The following RERE variants were observed in gnomAD, a reference collection of about 807,000 sequenced individuals.
RERE encodes the protein arginine-glutamic acid dipeptide repeats.
A neutral mutation model predicts 146.1 loss-of-function variants in RERE; 40 were observed. That is an observed-to-expected ratio of 0.27 (90% CI 0.21 to 0.36). The LOEUF is 0.36. Among genes scored for constraint, RERE ranks in the 10% least tolerant of loss-of-function variants. RERE has a pLI of 1.00. For missense variants in RERE, 1,933 were observed against 2,138.7 expected, an observed-to-expected ratio of 0.90 and a Z score of 1.90; for synonymous variants, 1,003 against 866.0, an observed-to-expected ratio of 1.16 and a Z score of -2.78.
At chr1:8,429,117 C>A (rs1156623062) in intron 11 of RERE, among the ~76,000 whole-genome samples, 2 of 152,198 alleles carry the variant, frequency 1.3e-5, no homozygotes, top group Non-Finnish European at 2.9e-5. Context: ...AACGTGCCAG[C>A]CACTGTCTTA....
intron 7 of RERE, among the ~76,000 whole-genome samples, chr1:8,521,064 ATAAC>A (rs928248118): frequency 2.6e-5 from 4 of 152,048 alleles, no homozygotes; most frequent in African/African-American, 9.7e-5. Context: ...CAAACAGGCA[ATAAC>A]TAACACACAC....
chr1:8,810,106 A>G (rs1641776409), intron 1 of RERE, among the ~76,000 whole-genome samples: 1 of 151,332 alleles, frequency 6.6e-6, no homozygotes, highest in South Asian at 2.1e-4. Flanking sequence ...CCCGGGTTCA[A>G]GCGATTCTTC....
At chr1:8,674,529 GTACTGGTCTTGTGTTGGCAAGGCTTAAT>G (rs1638791925) in intron 1 of RERE, among the ~76,000 whole-genome samples, 2 of 152,242 alleles carry the variant, frequency 1.3e-5, no homozygotes, top group African/African-American at 4.8e-5. Context: ...AACAACACTT[GTACTGGTCTTGTGTTGGCAAGGCTTAAT>G]CAATACCACA....
intron 1 of RERE, among the ~76,000 whole-genome samples, chr1:8,705,323 T>C (rs1450937801): frequency 6.6e-6 from 1 of 152,142 alleles, no homozygotes; most frequent in Non-Finnish European, 1.5e-5. Flanking sequence ...CCCCCCACTT[T>C]GCAGTTACAC....
intron 4 of RERE, among the ~76,000 whole-genome samples, chr1:8,596,412 G>C (rs1002801877): frequency 6.6e-6 from 1 of 152,194 alleles, no homozygotes; most frequent in Non-Finnish European, 1.5e-5. Flanking sequence ...CAGTTTCTCA[G>C]ACACAAGTCA....
At chr1:8,408,425 A>G (rs976018932) in intron 12 of RERE, among the ~76,000 whole-genome samples, 1 of 152,224 alleles carries the variant, frequency 6.6e-6, no homozygotes, top group African/African-American at 2.4e-5. Context: ...CCAACCCAGG[A>G]TGCCCTGCTG....
In RERE at chr1:8,364,022, G is replaced by C. The variant is rs764871901; in HGVS notation, c.1740+34C>G. On this transcript the variant is annotated intron_variant, in intron 15 of 22. Coordinates refer to ENST00000400908, the MANE Select transcript of RERE (RefSeq NM_001042681.2). The surrounding 1 kb of genome is among the most constrained non-coding windows in gnomAD (Gnocchi z 5.1). ...CCACACATCCCAGGAAACTGAAGAA[G>C]TTGCCAGGAGCCCCATGGCCCCAGG... The C allele has an allele frequency of 1.3e-6, 2 of 1,598,476 alleles. No homozygotes were observed. Among genetic ancestry groups the C allele is most frequent in the African/African-American group, 2.7e-5 (2 of 74,548 alleles).
In RERE at chr1:8,635,541, G is replaced by T. The variant is rs896972429; in HGVS notation, c.326-11161C>A. On this transcript the variant is annotated intron_variant, in intron 2 of 22. Coordinates refer to ENST00000400908, the MANE Select transcript of RERE (RefSeq NM_001042681.2). ...TCAACAAATGAGTGCAGCTGCTCTA[G>T]GCCAATATAACACTTAATGAGAGTG... is the stretch of plus-strand genomic sequence containing the variant. Among the ~76,000 whole-genome samples, 18 of 152,150 alleles carry T rather than the reference G, an allele frequency of 1.2e-4. No homozygotes were observed. In the East Asian group the frequency reaches 3.5e-3, roughly 29 times the overall value.
chr1:8,786,782 T>C, intron 1 of RERE: 1 of 796,540 alleles, frequency 1.3e-6, no homozygotes, highest in East Asian at 2.4e-5. Flanking sequence ...CACTATGCTT[T>C]TTCATAAATA....
chr1:8,552,813 C>T (rs565779695), intron 6 of RERE, among the ~76,000 whole-genome samples: 9 of 152,340 alleles, frequency 5.9e-5, no homozygotes, highest in African/African-American at 1.9e-4. Flanking sequence ...GTGACAGCAA[C>T]GCGACCCTGC....
At position 8,356,823 on chromosome 1, in the gene RERE, C is replaced by A. The variant is rs1641314334; in HGVS notation, c.4340-577G>T. Among the ~76,000 whole-genome samples, 1 of 152,198 alleles carries A rather than the reference C, an allele frequency of 6.6e-6. No individual in the cohort carries two copies. Among genetic ancestry groups the A allele is most frequent in the Non-Finnish European group, 1.5e-5 (1 of 68,020 alleles). ...ACTGCACCACCTCCTGCCCTCACCT[C>A]CTATCTCCCAGCTCCAGCCAACACA... is the stretch of plus-strand genomic sequence containing the variant. On this transcript the variant is annotated intron_variant, in intron 20 of 22. Transcript: ENST00000400908. The surrounding 1 kb of genome is among the most constrained non-coding windows in gnomAD (Gnocchi z 5.2).
chr1:8,451,806 ACT>A (rs1271311073), intron 11 of RERE, among the ~76,000 whole-genome samples: 2 of 151,940 alleles, frequency 1.3e-5, no homozygotes, highest in African/African-American at 4.8e-5. Context: ...TCTCCCGATG[ACT>A]CTAACGCACA....
At chr1:8,690,843 TTTTGTACC>T (rs1473337755) in intron 1 of RERE, among the ~76,000 whole-genome samples, 1 of 152,204 alleles carries the variant, frequency 6.6e-6, no homozygotes, top group African/African-American at 2.4e-5. Flanking sequence ...TTCATGTTCA[TTTTGTACC>T]TTTTGTTAGA....
intron 2 of RERE, among the ~76,000 whole-genome samples, chr1:8,636,652 T>C (rs1647105310): frequency 6.6e-6 from 1 of 152,094 alleles, no homozygotes; most frequent in Non-Finnish European, 1.5e-5. Flanking sequence ...CTTCCCAGCC[T>C]CTCTAACAGC....
chr1:8,430,199 G>T (rs1053156861), intron 11 of RERE, among the ~76,000 whole-genome samples: 1 of 152,056 alleles, frequency 6.6e-6, no homozygotes, highest in Non-Finnish European at 1.5e-5. Context: ...TGTATCATTT[G>T]GTTTTGGTTT....
intron 1 of RERE, among the ~76,000 whole-genome samples, chr1:8,759,982 C>A (rs1235953750): frequency 6.6e-6 from 1 of 152,002 alleles, no homozygotes; most frequent in African/African-American, 2.4e-5. Flanking sequence ...AAAATAAATT[C>A]TCCCCAAGTA....
intron 1 of RERE, among the ~76,000 whole-genome samples, chr1:8,695,828 G>A (rs1639318295): frequency 6.6e-6 from 1 of 151,888 alleles, no homozygotes; most frequent in Admixed American, 6.6e-5. Flanking sequence ...TAAATATCAT[G>A]CATCTGACAA....
At chr1:8,808,878 C>T (rs895981904) in intron 1 of RERE, among the ~76,000 whole-genome samples, 14 of 152,148 alleles carry the variant, frequency 9.2e-5, no homozygotes, top group African/African-American at 2.7e-4. Context: ...TGACTCACGC[C>T]TGTAATCCCA....
chr1:8,698,426 G>A (rs1639379615), intron 1 of RERE, among the ~76,000 whole-genome samples: 1 of 152,166 alleles, frequency 6.6e-6, no homozygotes, highest in Non-Finnish European at 1.5e-5. Flanking sequence ...ATACAGCTGT[G>A]AACACAGCAG....
Sources: gnomAD v4.1 joint callset for allele counts (sites outside exome capture counted in the v4.1 genomes callset) on GRCh38, gnomAD v4.1.1 for gene constraint, Gnocchi (gnomAD v3.1) non-coding constraint, MANE v1.5 for transcripts, NCBI Gene and HGNC (gene_info 2026-07-23, HGNC 2026-07-21) for gene names.